Variants in PAX5 observed in about 807,000 individuals in gnomAD.
PAX5 encodes the protein paired box 5.
Under a neutral mutation model 43.7 loss-of-function variants are expected in PAX5, and 9 were observed. The observed-to-expected ratio is 0.21, with a 90% CI of 0.12 to 0.36. PAX5 has a LOEUF of 0.36. Among genes scored for constraint, PAX5 ranks in the 10% least tolerant of loss-of-function variants. The probability of loss-of-function intolerance (pLI) is 1.00; values close to 1 mark genes in which losing one functional copy is unlikely to be tolerated. For missense variants in PAX5, 383 were observed against 532.7 expected (o/e 0.72, Z 2.77); for synonymous variants, 228 against 214.3 (o/e 1.06, Z -0.56).
chr9:36,895,789 C>T (rs758862361), intron 7 of PAX5, among the ~76,000 whole-genome samples: 87 of 152,302 alleles, frequency 5.7e-4, no homozygotes, highest in African/African-American at 2.1e-3. Context: ...AGTCTGTGCT[C>T]TTAACCACCA....
chr9:36,942,607 A>G (rs1046313487), intron 6 of PAX5, among the ~76,000 whole-genome samples: 4 of 152,246 alleles, frequency 2.6e-5, no homozygotes, highest in Admixed American at 6.5e-5. Context: ...AGCTGCTGAC[A>G]CAGCTTTCAT....
In PAX5 at chr9:37,034,117, T is replaced by C. The variant is rs1841308850; in HGVS notation, c.-86A>G. The C allele has an allele frequency of 1.2e-6, 1 of 847,964 alleles. No individual in the cohort carries two copies. Among genetic ancestry groups the C allele is most frequent in the Non-Finnish European group, 1.8e-6 (1 of 550,818 alleles). The allele number at this position is 847,964 out of a possible 1,614,324, so 52.5% of individuals were successfully genotyped here. On this transcript the variant is annotated 5_prime_UTR_variant, in exon 1 of 10. Coordinates refer to ENST00000358127, the MANE Select transcript of PAX5 (RefSeq NM_016734.3). ...TTTTTTCTTTTTTTTTTTTTTTTTT[T>C]TTTTTTTTTGGTGCCAGGGGCCGCT... is the stretch of plus-strand genomic sequence containing the variant.
intron 6 of PAX5, chr9:36,930,802 G>T: frequency 1.5e-6 from 2 of 1,290,386 alleles, no homozygotes; most frequent in Non-Finnish European, 2.0e-6. Context: ...AATATGAGAG[G>T]TTCAGGAATT....
At chr9:36,970,821 G>A (rs897872340) in intron 5 of PAX5, among the ~76,000 whole-genome samples, 1 of 152,088 alleles carries the variant, frequency 6.6e-6, no homozygotes, top group Non-Finnish European at 1.5e-5. Flanking sequence ...CCCATTCTTA[G>A]GGCTCTGACC....
Position 36,836,150 on chromosome 9 carries a change from C to T in PAX5, c.*4410G>A, listed in dbSNP as rs530041211. 1 of 233,476 alleles carries T rather than the reference C, an allele frequency of 4.3e-6. No individual in the cohort carries two copies. Among genetic ancestry groups the T allele is most frequent in the East Asian group, 6.0e-5 (1 of 16,594 alleles). The allele number at this position is 233,476 out of a possible 1,614,324, so 14.5% of individuals were successfully genotyped here. A position where few individuals can be genotyped will look rare whatever the true frequency, so the allele number is the denominator to read the frequency against. Reference sequence around the variant, plus strand: ...GTGCCCTGTGGCCACATCTGAGTCTCTTCCCTGCACATGTGAAAGGTGCCC... The same window carrying T: ...GTGCCCTGTGGCCACATCTGAGTCTTTTCCCTGCACATGTGAAAGGTGCCC... On this transcript the variant is annotated 3_prime_UTR_variant, in exon 10 of 10. Transcript: ENST00000358127.
At chr9:36,955,946 A>G (rs1833435064) in intron 6 of PAX5, among the ~76,000 whole-genome samples, 1 of 152,122 alleles carries the variant, frequency 6.6e-6, no homozygotes, top group Non-Finnish European at 1.5e-5. Flanking sequence ...AAAACAATAA[A>G]TGTTTATTTT....
In PAX5 at chr9:36,836,761, G is replaced by A. The variant is rs10973101; in HGVS notation, c.*3799C>T. 6,421 of 232,374 alleles carry A rather than the reference G, an allele frequency of 0.028. 400 individuals are homozygous for A. The highest frequency in any genetic ancestry group is 0.13 in the African/African-American group (5,904 of 45,342). The allele number at this position is 232,374 out of a possible 1,614,324, so 14.4% of individuals were successfully genotyped here. ...ACTGTCACAGCCAGGCCTGGAGCCT[G>A]TTCCAAAGTGCGAAGGCAAAGAAAG... On this transcript the variant is annotated 3_prime_UTR_variant, in exon 10 of 10. Transcript: ENST00000358127.
chr9:36,848,779 CTTCCA>C (rs2131599289), intron 8 of PAX5, among the ~76,000 whole-genome samples: 1 of 152,346 alleles, frequency 6.6e-6, no homozygotes, highest in African/African-American at 2.4e-5. Context: ...AAGGCCACTT[CTTCCA>C]GGAAGCCTCC....
At position 36,836,613 on chromosome 9, in the gene PAX5, G is replaced by A. The variant is rs888550618; in HGVS notation, c.*3947C>T. 14 of 232,816 alleles carry A rather than the reference G, an allele frequency of 6.0e-5. No individual in the cohort carries two copies. The highest frequency in any genetic ancestry group is 2.0e-4 in the African/African-American group (9 of 45,306). The allele number at this position is 232,816 out of a possible 1,614,324, so 14.4% of individuals were successfully genotyped here. On this transcript the variant is annotated 3_prime_UTR_variant, in exon 10 of 10. Transcript: ENST00000358127. ...CACCGTACTGTCTGGTGCGCTGCCC[G>A]AGTGGCAAGGCTACACCACCCCGTT...
At chr9:36,986,819 T>C (rs931451521) in intron 5 of PAX5, among the ~76,000 whole-genome samples, 3 of 152,252 alleles carry the variant, frequency 2.0e-5, no homozygotes, top group Non-Finnish European at 2.9e-5. Context: ...TCAAAGATCT[T>C]GGGATATGAC....
At chr9:36,887,622 C>T (rs1827014269) in intron 7 of PAX5, among the ~76,000 whole-genome samples, 1 of 152,152 alleles carries the variant, frequency 6.6e-6, no homozygotes, top group African/African-American at 2.4e-5. Flanking sequence ...CAGATGCACA[C>T]ACACTACAAA....
At chr9:36,923,521 T>C (rs1342548517) in intron 6 of PAX5, 37 bp from the exon 7 acceptor site, 1 of 1,584,272 alleles carries the variant, frequency 6.3e-7, no homozygotes, top group South Asian at 1.1e-5. Flanking sequence ...GCACCAAGAC[T>C]CCACAGTACC....
chr9:37,032,573 C>T (rs914663245), intron 1 of PAX5, among the ~76,000 whole-genome samples: 7 of 152,166 alleles, frequency 4.6e-5, no homozygotes, highest in African/African-American at 1.7e-4. Flanking sequence ...CACAGTTATG[C>T]CCCAGAAGTT....
chr9:36,993,137 G>T (rs1234859827), intron 5 of PAX5, among the ~76,000 whole-genome samples: 1 of 152,198 alleles, frequency 6.6e-6, no homozygotes, highest in Non-Finnish European at 1.5e-5. Flanking sequence ...AGTGAATACA[G>T]CAGCAGCTAT....
chr9:36,940,945 GGTTAA>G (rs1346646717), intron 6 of PAX5, among the ~76,000 whole-genome samples: 1 of 152,200 alleles, frequency 6.6e-6, no homozygotes, highest in African/African-American at 2.4e-5. Context: ...CCTGAAAACA[GGTTAA>G]GTGGGAGAGA....
chr9:36,873,980 C>G (rs2131721452), intron 8 of PAX5, among the ~76,000 whole-genome samples: 1 of 152,304 alleles, frequency 6.6e-6, no homozygotes, highest in African/African-American at 2.4e-5. Context: ...CTGAGCTGGG[C>G]CAGGATGCTG....
At chr9:36,887,701 A>G (rs571873585) in intron 7 of PAX5, among the ~76,000 whole-genome samples, 157 of 152,346 alleles carry the variant, frequency 1.0e-3, no homozygotes, top group African/African-American at 3.7e-3. Context: ...AGAAGGAAAT[A>G]TGGGCATAAA....
intron 8 of PAX5, among the ~76,000 whole-genome samples, chr9:36,863,713 A>G (rs374412377): frequency 0.036 from 5,514 of 152,224 alleles, 201 homozygotes; most frequent in East Asian, 0.13. Context: ...TCCACTTCCT[A>G]CTCTGTGAAA....
chr9:36,981,185 GCC>G (rs55996619), intron 5 of PAX5, among the ~76,000 whole-genome samples: 1 of 106,470 alleles, frequency 9.4e-6, no homozygotes, highest in Non-Finnish European at 1.9e-5. Flanking sequence ...AAACAGCAAA[GCC>G]CCCCCCCCCT....
Sources: gnomAD v4.1 joint callset for allele counts (sites outside exome capture counted in the v4.1 genomes callset) on GRCh38, gnomAD v4.1.1 for gene constraint, MANE v1.5 for transcripts, NCBI Gene and HGNC (gene_info 2026-07-23, HGNC 2026-07-21) for gene names.